ADGRL3: variants seen among roughly 807,000 people sequenced by gnomAD.
The protein encoded by ADGRL3 is calcium-independent alpha-latrotoxin receptor 3.
ADGRL3 carries 62 observed loss-of-function variants against 153.5 expected under a neutral mutation model. The observed-to-expected ratio is 0.40, with a 90% CI of 0.33 to 0.50. The LOEUF is 0.50. Ranked by LOEUF, ADGRL3 falls within the 20% of genes least tolerant of loss-of-function variation. The pLI is 0.47. For missense variants in ADGRL3, 1,641 were observed against 1,859.4 expected, an observed-to-expected ratio of 0.88 and a Z score of 2.16; for synonymous variants, 710 against 672.5, an observed-to-expected ratio of 1.06 and a Z score of -0.86.
rs1338236490 is a variant in ADGRL3, at chr4:62,076,632, C to T, written c.*5724C>T. 1.3e-5 allele frequency: 2 copies of T among 151,938 alleles called. No individual in the cohort carries two copies. Among genetic ancestry groups the T allele is most frequent in the African/African-American group, 4.8e-5 (2 of 41,396 alleles). The allele number at this position is 151,938 out of a possible 1,614,324, so 9.4% of individuals were successfully genotyped here. On this transcript the variant is annotated 3_prime_UTR_variant, in exon 27 of 27. Transcript: ENST00000683033. ...ATTCCGAAAAGTAAAATGGGAGTTT[C>T]CTATATTCTGATTTCATTCTGCTAA...
In ADGRL3 at chr4:61,395,494, A is replaced by G. The variant is rs186321172; in HGVS notation, c.-174+12305A>G. Among the ~76,000 whole-genome samples, 274 of 151,994 alleles carry G rather than the reference A, an allele frequency of 1.8e-3. 2 individuals are homozygous for G. Among genetic ancestry groups the G allele is most frequent in the African/African-American group, 6.4e-3 (265 of 41,510 alleles). On this transcript the variant is annotated intron_variant, in intron 2 of 26. Coordinates refer to ENST00000683033, the MANE Select transcript of ADGRL3 (RefSeq NM_001387552.1). ...ACCATAATTTATTCACAAAACTTAT[A>G]CAGATAATTTCTATTAACTTTGCTT...
intron 13 of ADGRL3, among the ~76,000 whole-genome samples, chr4:61,920,268 A>T (rs930552067): frequency 1.3e-5 from 2 of 152,204 alleles, no homozygotes; most frequent in Non-Finnish European, 2.9e-5. Flanking sequence ...CTATTAAGGT[A>T]ATTATATTAA....
At chr4:61,876,409 G>T (rs1291790920) in intron 9 of ADGRL3, among the ~76,000 whole-genome samples, 2 of 151,792 alleles carry the variant, frequency 1.3e-5, no homozygotes, top group African/African-American at 4.8e-5. Flanking sequence ...GCACGGCCTT[G>T]CCTGGCTAGT....
chr4:61,626,704 G>GT (rs762965604), intron 5 of ADGRL3, among the ~76,000 whole-genome samples: 2 of 151,998 alleles, frequency 1.3e-5, no homozygotes, highest in South Asian at 2.1e-4. Flanking sequence ...TGATATAGAC[G>GT]TAAGTTCAGT....
chr4:61,295,261 A>G (rs986961039), intron 1 of ADGRL3, among the ~76,000 whole-genome samples: 1 of 152,114 alleles, frequency 6.6e-6, no homozygotes, highest in Admixed American at 6.6e-5. Flanking sequence ...AATGGCCCCA[A>G]AGTACAAGAA....
intron 21 of ADGRL3, among the ~76,000 whole-genome samples, chr4:62,018,765 G>T (rs2099224837): frequency 1.3e-5 from 2 of 152,150 alleles, no homozygotes. Flanking sequence ...GCTGAGGGAG[G>T]CTGTCTGTGG....
At chr4:61,981,332 G>T (rs1182273205) in intron 18 of ADGRL3, among the ~76,000 whole-genome samples, 1 of 152,072 alleles carries the variant, frequency 6.6e-6, no homozygotes, top group East Asian at 1.9e-4. Flanking sequence ...AAATCTGCAG[G>T]TCTAAAATGG....
chr4:61,482,421 T>C (rs1429450939), intron 2 of ADGRL3, among the ~76,000 whole-genome samples: 1 of 152,184 alleles, frequency 6.6e-6, no homozygotes, highest in East Asian at 1.9e-4. Context: ...GTTCCCTTAC[T>C]TTATTTCTAG....
At chr4:61,632,465 T>C (rs2093224641) in intron 5 of ADGRL3, among the ~76,000 whole-genome samples, 1 of 152,146 alleles carries the variant, frequency 6.6e-6, no homozygotes, top group South Asian at 2.1e-4. Context: ...CTTTCTACTT[T>C]CATTTTTTCT....
At chr4:61,623,306 C>CTT (rs1284288785) in intron 5 of ADGRL3, among the ~76,000 whole-genome samples, 1 of 152,082 alleles carries the variant, frequency 6.6e-6, no homozygotes, top group Non-Finnish European at 1.5e-5. Flanking sequence ...TCAGCAATGT[C>CTT]TTGACTTTCC....
At chr4:61,460,453 G>C (rs1260415090) in intron 2 of ADGRL3, among the ~76,000 whole-genome samples, 1 of 151,916 alleles carries the variant, frequency 6.6e-6, no homozygotes, top group Non-Finnish European at 1.5e-5. Flanking sequence ...AGCACACCAA[G>C]ACAAATATCA....
intron 8 of ADGRL3, among the ~76,000 whole-genome samples, chr4:61,793,517 C>G (rs957900814): frequency 3.9e-5 from 6 of 152,146 alleles, no homozygotes; most frequent in Non-Finnish European, 5.9e-5. Context: ...CAGTTACCTC[C>G]CACTGGGTCC....
At chr4:61,436,914 AGATAAACATTTGGGATT>A (rs2097454947) in intron 2 of ADGRL3, among the ~76,000 whole-genome samples, 1 of 152,006 alleles carries the variant, frequency 6.6e-6, no homozygotes. Flanking sequence ...TCTAAGCTGG[AGATAAACATTTGGGATT>A]GATCAGCCCA....
chr4:61,435,377 A>G (rs1048768926), intron 2 of ADGRL3, among the ~76,000 whole-genome samples: 1 of 152,102 alleles, frequency 6.6e-6, no homozygotes, highest in Non-Finnish European at 1.5e-5. Context: ...GTAGATAGTA[A>G]AAGTAAAGGT....
intron 17 of ADGRL3, among the ~76,000 whole-genome samples, chr4:61,964,464 A>G (rs2098998894): frequency 6.6e-6 from 1 of 152,128 alleles, no homozygotes; most frequent in Admixed American, 6.5e-5. Context: ...CTGAAAGAGA[A>G]ATGTTTAGGC....
chr4:61,808,792 C>CT (rs79256517), intron 8 of ADGRL3, among the ~76,000 whole-genome samples: 17,031 of 128,720 alleles, frequency 0.13, 1,036 homozygotes, highest in Middle Eastern at 0.18. Flanking sequence ...AGAAATCGGG[C>CT]TTTTTTTTTT....
chr4:61,499,178 G>A (rs900082407), intron 3 of ADGRL3, among the ~76,000 whole-genome samples: 5 of 152,062 alleles, frequency 3.3e-5, no homozygotes, highest in African/African-American at 1.2e-4. Context: ...TCTAAATACT[G>A]GGTAAAATAA....
intron 17 of ADGRL3, among the ~76,000 whole-genome samples, chr4:61,978,338 TAAA>T (rs11297140): frequency 6.7e-6 from 1 of 149,406 alleles, no homozygotes; most frequent in African/African-American, 2.5e-5. Context: ...GCTTGCTTTT[TAAA>T]AAAAAAATAT....
chr4:61,777,750 C>G (rs1335515541), intron 8 of ADGRL3, among the ~76,000 whole-genome samples: 1 of 152,014 alleles, frequency 6.6e-6, no homozygotes. Flanking sequence ...TACTCTATTT[C>G]TAGTATTTAT....
Sources: gnomAD v4.1 joint callset for allele counts (sites outside exome capture counted in the v4.1 genomes callset) on GRCh38, gnomAD v4.1.1 for gene constraint, MANE v1.5 for transcripts, NCBI Gene and HGNC (gene_info 2026-07-23, HGNC 2026-07-21) for gene names.